Variants in CLSTN2 observed in about 807,000 individuals in gnomAD.
The protein encoded by CLSTN2 is calsyntenin-2.
In CLSTN2, 48 loss-of-function variants were observed where a neutral mutation model predicts 101.2. The observed-to-expected ratio is 0.47, with a 90% CI of 0.38 to 0.60. The LOEUF (loss-of-function observed/expected upper bound fraction) is 0.60, where lower values mean the gene tolerates loss of function less well. CLSTN2 is among the 20% of genes least tolerant of loss of function. The pLI, the probability that CLSTN2 is intolerant of heterozygous loss-of-function variation, is 0.00. For missense variants in CLSTN2, 1,160 were observed against 1,238.2 expected, an observed-to-expected ratio of 0.94 and a Z score of 0.95; for synonymous variants, 481 against 463.6, an observed-to-expected ratio of 1.04 and a Z score of -0.48.
At chr3:140,483,781 A>G (rs1934180288) in intron 8 of CLSTN2, among the ~76,000 whole-genome samples, 2 of 151,722 alleles carry the variant, frequency 1.3e-5, no homozygotes, top group Non-Finnish European at 2.9e-5. Flanking sequence ...CTCTGATTTT[A>G]TTTATTTATT....
chr3:140,225,021 T>C (rs1392240236), intron 2 of CLSTN2, among the ~76,000 whole-genome samples: 3 of 152,318 alleles, frequency 2.0e-5, no homozygotes, highest in East Asian at 1.9e-4. Flanking sequence ...CCCTCCAACA[T>C]GTCTATGCTG....
chr3:140,382,734 A>G (rs1369860836), intron 2 of CLSTN2, among the ~76,000 whole-genome samples: 1 of 152,212 alleles, frequency 6.6e-6, no homozygotes, highest in African/African-American at 2.4e-5. Flanking sequence ...TGGCATGGTC[A>G]GGCTCTGCTG....
At chr3:140,077,136 C>CA (rs1278674427) in intron 1 of CLSTN2, among the ~76,000 whole-genome samples, 1 of 151,966 alleles carries the variant, frequency 6.6e-6, no homozygotes, top group East Asian at 1.9e-4. Flanking sequence ...AACAAACAAG[C>CA]AAAAAAAGCA....
chr3:139,936,680 G>A (rs1412923467), intron 1 of CLSTN2, among the ~76,000 whole-genome samples: 1 of 152,214 alleles, frequency 6.6e-6, no homozygotes, highest in Non-Finnish European at 1.5e-5. Context: ...ACTCTTGGAG[G>A]TTGGGGAGAG....
At chr3:140,218,632 A>T (rs1486204786) in intron 2 of CLSTN2, among the ~76,000 whole-genome samples, 1 of 152,230 alleles carries the variant, frequency 6.6e-6, no homozygotes, top group East Asian at 1.9e-4. Flanking sequence ...TCAAATTTTT[A>T]AAAATACTGA....
rs542810094 is a variant in CLSTN2, at chr3:140,087,004, C to T, written c.110-88947C>T. 1.2e-4 allele frequency among the ~76,000 whole-genome samples: 18 copies of T among 152,270 alleles called. No individual in the cohort carries two copies. The East Asian group carries it at 3.5e-3, about 29-fold the overall frequency. ...GAACTTAAATATCTGCCTGAGATTT[C>T]TCAGCTGACAAATGGTAGATCCCAA... is the stretch of plus-strand genomic sequence containing the variant. On this transcript the variant is annotated intron_variant, in intron 1 of 16. Coordinates refer to ENST00000458420, the MANE Select transcript of CLSTN2 (RefSeq NM_022131.3).
intron 2 of CLSTN2, among the ~76,000 whole-genome samples, chr3:140,270,877 T>G (rs1328089079): frequency 6.6e-6 from 1 of 152,154 alleles, no homozygotes; most frequent in African/African-American, 2.4e-5. Context: ...AGGGAAGACT[T>G]GCAGCTCCCT....
At chr3:140,180,024 T>A (rs1287875799) in intron 2 of CLSTN2, among the ~76,000 whole-genome samples, 5 of 152,198 alleles carry the variant, frequency 3.3e-5, no homozygotes, top group Non-Finnish European at 7.3e-5. Flanking sequence ...GATGGTGTGA[T>A]TTAGTAGTAG....
chr3:140,134,768 G>A (rs1265366982), intron 1 of CLSTN2, among the ~76,000 whole-genome samples: 1 of 151,984 alleles, frequency 6.6e-6, no homozygotes. Context: ...GAGGGTGGAG[G>A]GAGCAGCTGT....
intron 8 of CLSTN2, among the ~76,000 whole-genome samples, chr3:140,530,830 C>T (rs1241082974): frequency 6.6e-6 from 1 of 152,194 alleles, no homozygotes; most frequent in Admixed American, 6.5e-5. Context: ...CCACTTCCTC[C>T]CTGCCCAGGG....
chr3:140,436,772 G>A (rs2088691847), intron 5 of CLSTN2, among the ~76,000 whole-genome samples: 1 of 152,248 alleles, frequency 6.6e-6, no homozygotes, highest in Admixed American at 6.5e-5. Flanking sequence ...ACTCATTTCT[G>A]ATAAGTTCTT....
At chr3:140,491,374 G>T (rs1026011683) in intron 8 of CLSTN2, among the ~76,000 whole-genome samples, 2 of 152,126 alleles carry the variant, frequency 1.3e-5, no homozygotes, top group Admixed American at 1.3e-4. Context: ...TAATTTGAGG[G>T]ATATTGATAT....
chr3:140,278,065 T>C (rs1476163339), intron 2 of CLSTN2, among the ~76,000 whole-genome samples: 2 of 152,120 alleles, frequency 1.3e-5, no homozygotes, highest in Non-Finnish European at 2.9e-5. Context: ...CCCTGAAGTG[T>C]CACAGGCCCG....
At chr3:140,167,539 G>A (rs183138743) in intron 1 of CLSTN2, among the ~76,000 whole-genome samples, 3 of 152,236 alleles carry the variant, frequency 2.0e-5, no homozygotes, top group Non-Finnish European at 2.9e-5. Flanking sequence ...TGCCCCACAT[G>A]TATTGCGGCA....
chr3:140,165,595 T>G (rs545645389), intron 1 of CLSTN2, among the ~76,000 whole-genome samples: 1 of 151,864 alleles, frequency 6.6e-6, no homozygotes, highest in East Asian at 1.9e-4. Flanking sequence ...AATAGGAGTG[T>G]AGGCACAGGG....
At chr3:140,144,780 C>T (rs1253581943) in intron 1 of CLSTN2, among the ~76,000 whole-genome samples, 1 of 152,218 alleles carries the variant, frequency 6.6e-6, no homozygotes, top group East Asian at 1.9e-4. Context: ...CACCTGGCAT[C>T]TGGAATCCAG....
intron 1 of CLSTN2, among the ~76,000 whole-genome samples, chr3:140,162,362 TG>T (rs1304976704): frequency 6.6e-6 from 1 of 152,132 alleles, no homozygotes; most frequent in Non-Finnish European, 1.5e-5. Context: ...GTATAGTACT[TG>T]CTATGCTAGA....
intron 1 of CLSTN2, among the ~76,000 whole-genome samples, chr3:139,943,732 C>T (rs765431338): frequency 6.6e-6 from 1 of 152,290 alleles, no homozygotes; most frequent in Middle Eastern, 3.4e-3. Flanking sequence ...GAAATCAGCT[C>T]GTCTCAGTTT....
At chr3:140,267,249 A>G (rs1019341668) in intron 2 of CLSTN2, among the ~76,000 whole-genome samples, 4 of 152,188 alleles carry the variant, frequency 2.6e-5, no homozygotes, top group African/African-American at 4.8e-5. Context: ...TTAAAACCTC[A>G]TATCTTTCCT....
Sources: allele counts gnomAD v4.1 joint callset (sites outside exome capture counted in the v4.1 genomes callset), GRCh38; gene constraint gnomAD v4.1.1; transcripts MANE v1.5; gene names NCBI Gene and HGNC (gene_info 2026-07-23, HGNC 2026-07-21).